Variants in ATP9B observed in about 807,000 individuals in gnomAD.
The protein encoded by ATP9B is probable phospholipid-transporting ATPase IIB.
A neutral mutation model predicts 146.1 loss-of-function variants in ATP9B; 110 were observed. The observed-to-expected ratio is 0.75, with a 90% CI of 0.65 to 0.88. The LOEUF (loss-of-function observed/expected upper bound fraction) is 0.88. Ranked by LOEUF, ATP9B falls within the 40% of genes least tolerant of loss-of-function variation. The pLI, the probability that ATP9B is intolerant of heterozygous loss-of-function variation, is 0.00. For synonymous variants in ATP9B, 604 were observed against 569.7 expected (o/e 1.06, Z -0.86); for missense variants, 1,499 against 1,496.4 (o/e 1.00, Z -0.03).
intron 11 of ATP9B, among the ~76,000 whole-genome samples, chr18:79,221,733 C>G (rs1048216040): frequency 2.6e-5 from 4 of 151,932 alleles, no homozygotes; most frequent in African/African-American, 9.7e-5. Flanking sequence ...AACAAACAAA[C>G]AAAACTCCAC....
intron 1 of ATP9B, chr18:79,095,601 G>T (rs1263771945): frequency 6.6e-6 from 1 of 152,160 alleles, no homozygotes; most frequent in Non-Finnish European, 1.5e-5. Flanking sequence ...TGTTAAAAAA[G>T]ATTTCAATAT....
At chr18:79,290,824 A>G (rs1262554500) in intron 13 of ATP9B, among the ~76,000 whole-genome samples, 2 of 152,180 alleles carry the variant, frequency 1.3e-5, no homozygotes, top group East Asian at 1.9e-4. Context: ...CTGATTATGT[A>G]TGTGTCTTAC....
intron 15 of ATP9B, among the ~76,000 whole-genome samples, chr18:79,326,759 A>G (rs12458154): frequency 3.9e-5 from 6 of 152,058 alleles, no homozygotes; most frequent in Non-Finnish European, 7.4e-5. Context: ...TGCTTAGAAA[A>G]TCTGATTTTA....
chr18:79,312,293 AG>A (rs2146687443), intron 15 of ATP9B, among the ~76,000 whole-genome samples: 1 of 152,294 alleles, frequency 6.6e-6, no homozygotes, highest in South Asian at 2.1e-4. Flanking sequence ...TCCTAAATGC[AG>A]TTATATTACT....
chr18:79,270,854 T>C (rs2096246865), intron 12 of ATP9B, among the ~76,000 whole-genome samples: 3 of 152,176 alleles, frequency 2.0e-5, no homozygotes, highest in African/African-American at 7.2e-5. Flanking sequence ...GGCCCCTCTG[T>C]GTATTTCACA....
chr18:79,071,170 T>C (rs2071722138), intron 1 of ATP9B, among the ~76,000 whole-genome samples: 1 of 150,868 alleles, frequency 6.6e-6, no homozygotes, highest in South Asian at 2.1e-4. Flanking sequence ...TATTACAATA[T>C]ACAAATGTGA....
intron 13 of ATP9B, among the ~76,000 whole-genome samples, chr18:79,297,639 G>T (rs902396818): frequency 1.3e-5 from 2 of 152,200 alleles, no homozygotes; most frequent in Non-Finnish European, 2.9e-5. Flanking sequence ...AGATGTAGGG[G>T]TTTGTACTTT....
intron 15 of ATP9B, among the ~76,000 whole-genome samples, chr18:79,318,832 A>G (rs779842272): frequency 3.3e-5 from 5 of 152,148 alleles, no homozygotes; most frequent in African/African-American, 1.2e-4. Context: ...TTGTAATTGT[A>G]TGGAAGACAC....
At chr18:79,071,186 C>T (rs898542288) in intron 1 of ATP9B, among the ~76,000 whole-genome samples, 1 of 150,310 alleles carries the variant, frequency 6.7e-6, no homozygotes. Context: ...TGTGACTTAT[C>T]ACCATGGTGT....
At chr18:79,288,702 C>T (rs1375341911) in intron 13 of ATP9B, among the ~76,000 whole-genome samples, 3 of 152,194 alleles carry the variant, frequency 2.0e-5, no homozygotes, top group African/African-American at 7.2e-5. Flanking sequence ...GCAGTTTCTT[C>T]GTAGACTTGA....
chr18:79,227,459 G>A (rs1341477179), intron 11 of ATP9B, among the ~76,000 whole-genome samples: 2 of 151,566 alleles, frequency 1.3e-5, no homozygotes, highest in African/African-American at 4.9e-5. Context: ...TGGGTGGGTG[G>A]GTGAGTGAGT....
At chr18:79,179,146 TA>T (rs1008900231) in intron 8 of ATP9B, among the ~76,000 whole-genome samples, 6 of 152,212 alleles carry the variant, frequency 3.9e-5, no homozygotes, top group South Asian at 2.1e-4. Flanking sequence ...AATATTCCAT[TA>T]TTTTTTTAGC....
At position 79,316,401 on chromosome 18, in the gene ATP9B, G is replaced by A. The variant is rs544702503; in HGVS notation, c.1773+9167G>A. 2.1e-3 allele frequency among the ~76,000 whole-genome samples: 313 copies of A among 152,282 alleles called. 1 individual carries two copies. Among genetic ancestry groups the A allele is most frequent in the Middle Eastern group, 6.8e-3 (2 of 294 alleles). The stretch of plus-strand genomic sequence containing the variant: ...CTGCTGTGGAGACAGAATCTGAGCC[G>A]CACACCTGAGAATTTCCATCCACCC... On this transcript the variant is annotated intron_variant, in intron 15 of 29. Transcript: ENST00000426216.
intron 10 of ATP9B, among the ~76,000 whole-genome samples, chr18:79,210,139 T>G (rs1382764207): frequency 6.6e-6 from 1 of 152,206 alleles, no homozygotes; most frequent in Non-Finnish European, 1.5e-5. Context: ...CCTGCTGTGC[T>G]GCCGGAGGTT....
intron 1 of ATP9B, among the ~76,000 whole-genome samples, chr18:79,095,324 G>T (rs2074698764): frequency 6.6e-6 from 1 of 152,048 alleles, no homozygotes; most frequent in African/African-American, 2.4e-5. Flanking sequence ...AGTAACCAGT[G>T]CTGTGATCAC....
intron 1 of ATP9B, among the ~76,000 whole-genome samples, chr18:79,072,587 CT>C (rs1568355990): frequency 7.3e-6 from 1 of 137,482 alleles, no homozygotes; most frequent in Admixed American, 7.6e-5. Context: ...ATCTCTCTTT[CT>C]TTTCCCGACA....
intron 7 of ATP9B, among the ~76,000 whole-genome samples, chr18:79,157,078 G>A (rs1269301355): frequency 3.3e-5 from 5 of 151,988 alleles, no homozygotes; most frequent in African/African-American, 1.2e-4. Flanking sequence ...AGGATGTATT[G>A]GACTGGGCGT....
At chr18:79,234,470 G>T (rs1408639473) in intron 11 of ATP9B, among the ~76,000 whole-genome samples, 1 of 152,186 alleles carries the variant, frequency 6.6e-6, no homozygotes, top group Non-Finnish European at 1.5e-5. Flanking sequence ...AAGGTAGATC[G>T]CTGCCTTTGC....
intron 4 of ATP9B, among the ~76,000 whole-genome samples, chr18:79,124,336 T>A (rs1312632895): frequency 6.6e-6 from 1 of 152,220 alleles, no homozygotes; most frequent in Non-Finnish European, 1.5e-5. Context: ...TTATGGCATG[T>A]GAATTATATA....
Sources: allele counts gnomAD v4.1 joint callset (sites outside exome capture counted in the v4.1 genomes callset), GRCh38; gene constraint gnomAD v4.1.1; transcripts MANE v1.5; gene names NCBI Gene and HGNC (gene_info 2026-07-23, HGNC 2026-07-21).